Variants in HECW1 observed in about 807,000 individuals in gnomAD.
The protein encoded by HECW1 is HECT, C2 and WW domain containing E3 ubiquitin protein ligase 1.
HECW1 carries 61 observed loss-of-function variants against 182.3 expected under a neutral mutation model. The ratio of observed to expected loss-of-function variants is 0.33; its 90% CI spans 0.27 to 0.41. The LOEUF is 0.41. Ranked by LOEUF, HECW1 falls within the 10% of genes least tolerant of loss-of-function variation. HECW1 has a pLI of 1.00. For missense variants in HECW1, 1,739 were observed against 2,108.9 expected (o/e 0.82, Z 3.44); for synonymous variants, 859 against 832.6 (o/e 1.03, Z -0.55).
chr7:43,526,631 C>T (rs1167484255), intron 24 of HECW1, among the ~76,000 whole-genome samples: 3 of 152,226 alleles, frequency 2.0e-5, no homozygotes, highest in African/African-American at 7.2e-5. Flanking sequence ...ATTGCCATTC[C>T]TGTATTCTCT....
intron 24 of HECW1, among the ~76,000 whole-genome samples, chr7:43,522,043 T>C (rs1423849896): frequency 6.6e-6 from 1 of 152,214 alleles, no homozygotes; most frequent in Non-Finnish European, 1.5e-5. Context: ...AAGGTGTCCA[T>C]CTTAGAAGCA....
At chr7:43,469,743 T>C (rs1298979134) in intron 16 of HECW1, among the ~76,000 whole-genome samples, 1 of 152,224 alleles carries the variant, frequency 6.6e-6, no homozygotes, top group East Asian at 1.9e-4. Context: ...CATCTCGATG[T>C]ATTCAAAGGA....
At chr7:43,360,294 A>T (rs2109812) in intron 5 of HECW1, among the ~76,000 whole-genome samples, 1 of 151,398 alleles carries the variant, frequency 6.6e-6, no homozygotes, top group Non-Finnish European at 1.5e-5. Context: ...TCTCTGCAGC[A>T]TTAAAGTCCT....
chr7:43,414,665 A>G (rs973087085), intron 8 of HECW1, among the ~76,000 whole-genome samples: 9 of 149,942 alleles, frequency 6.0e-5, no homozygotes, highest in Admixed American at 6.0e-4. Context: ...TTTAGCATGA[A>G]GGGTTGTTGA....
chr7:43,204,277 T>A (rs1026068247), intron 2 of HECW1, among the ~76,000 whole-genome samples: 1 of 152,210 alleles, frequency 6.6e-6, no homozygotes, highest in African/African-American at 2.4e-5. Context: ...CATGTAAAGT[T>A]TGTTGAATAA....
chr7:43,275,783 A>G (rs1259593807), intron 3 of HECW1, among the ~76,000 whole-genome samples: 1 of 116,908 alleles, frequency 8.6e-6, no homozygotes, highest in Non-Finnish European at 1.6e-5. Context: ...AGTCATTGTT[A>G]ATTTGCTGGA....
At chr7:43,424,701 A>G (rs553651416) in intron 8 of HECW1, among the ~76,000 whole-genome samples, 3 of 152,310 alleles carry the variant, frequency 2.0e-5, no homozygotes, top group East Asian at 1.9e-4. Flanking sequence ...GGAAATATCA[A>G]TAGAGTTCTT....
chr7:43,240,910 C>T (rs73318433), intron 2 of HECW1, among the ~76,000 whole-genome samples: 14,800 of 152,216 alleles, frequency 0.097, 1,481 homozygotes, highest in African/African-American at 0.26. Flanking sequence ...ACCCTCCCCA[C>T]GTGACTTCCT....
At chr7:43,195,424 G>A (rs908375204) in intron 2 of HECW1, among the ~76,000 whole-genome samples, 1 of 152,302 alleles carries the variant, frequency 6.6e-6, no homozygotes, top group Admixed American at 6.5e-5. Flanking sequence ...GCTGCCTCAG[G>A]AAGTTGCCCA....
intron 3 of HECW1, among the ~76,000 whole-genome samples, chr7:43,266,069 T>G (rs903544465): frequency 9.9e-5 from 15 of 152,168 alleles, no homozygotes; most frequent in African/African-American, 3.6e-4. Flanking sequence ...GGCTGCATTA[T>G]GTAGGCATGA....
rs569874876 is a variant in HECW1, at chr7:43,558,373, A to G, written c.4710-3442A>G. Among the ~76,000 whole-genome samples the G allele has an allele frequency of 2.6e-5, 4 of 152,320 alleles. No individual in the cohort carries two copies. In the South Asian group the frequency reaches 8.3e-4, roughly 32 times the overall value. On this transcript the variant is annotated intron_variant, in intron 29 of 29. Transcript: ENST00000395891. ...TTGCAAACGAAATTCTAATATGAACATGTTTCACTGCAGATGTAAACTAAG... is the reference window on the plus strand; with the variant it reads ...TTGCAAACGAAATTCTAATATGAACGTGTTTCACTGCAGATGTAAACTAAG...
intron 26 of HECW1, among the ~76,000 whole-genome samples, chr7:43,542,786 A>G (rs1223986919): frequency 6.6e-6 from 1 of 152,234 alleles, no homozygotes; most frequent in African/African-American, 2.4e-5. Context: ...CATTCATTCA[A>G]ACCAATTCCT....
At chr7:43,203,327 T>G (rs1562669623) in intron 2 of HECW1, among the ~76,000 whole-genome samples, 1 of 152,236 alleles carries the variant, frequency 6.6e-6, no homozygotes, top group Non-Finnish European at 1.5e-5. Context: ...TGTGTAATAT[T>G]GCAAATAATA....
At chr7:43,283,770 G>GA (rs777251459) in intron 3 of HECW1, among the ~76,000 whole-genome samples, 34 of 152,172 alleles carry the variant, frequency 2.2e-4, no homozygotes, top group African/African-American at 6.0e-4. Context: ...CTTGGAAGAG[G>GA]AAAAACATAA....
intron 5 of HECW1, among the ~76,000 whole-genome samples, chr7:43,335,820 T>C (rs200334739): frequency 6.6e-6 from 1 of 151,280 alleles, no homozygotes; most frequent in East Asian, 2.0e-4. Context: ...CTTTTCTTCA[T>C]TTTTCCTCTT....
chr7:43,135,945 T>C (rs995657795), intron 2 of HECW1, among the ~76,000 whole-genome samples: 3 of 152,040 alleles, frequency 2.0e-5, no homozygotes, highest in East Asian at 1.9e-4. Flanking sequence ...TTTTATGACA[T>C]TTTTTTCAGG....
intron 5 of HECW1, among the ~76,000 whole-genome samples, chr7:43,341,769 G>A (rs1813029545): frequency 6.6e-6 from 1 of 151,688 alleles, no homozygotes; most frequent in East Asian, 1.9e-4. Context: ...ACTTTTGGAA[G>A]TACAAATCCA....
intron 2 of HECW1, among the ~76,000 whole-genome samples, chr7:43,149,118 T>C (rs551396867): frequency 6.6e-6 from 1 of 152,114 alleles, no homozygotes; most frequent in Non-Finnish European, 1.5e-5. Context: ...TTAGGAGAAA[T>C]ACAATATTTG....
At position 43,320,725 on chromosome 7, in the gene HECW1, G is replaced by C. The variant is rs1809999554; in HGVS notation, c.443G>C (p.Ser148Thr). Residue 148 changes from serine to threonine, a missense_variant, in exon 5 of 30, where the codon AGC (serine) becomes ACC (threonine). Ser to Thr is a moderately conservative substitution (Grantham distance 58, BLOSUM62 1). This residue lies in a region of HECW1 where 279 missense variants were observed against 353.1 expected (regional missense o/e 0.79). Transcript: ENST00000395891. ...CAGATCATCTGGAAGATCGATGCCAGCTCGTACTTTGTGGAACGTGAGTAC... is the reference window on the plus strand; with the variant it reads ...CAGATCATCTGGAAGATCGATGCCACCTCGTACTTTGTGGAACGTGAGTAC... ...RGQIIWKIDA[S>T]SYFVEPETKI... The C allele has an allele frequency of 6.2e-7, 1 of 1,613,650 alleles. No individual in the cohort carries two copies. Among genetic ancestry groups the C allele is most frequent in the Non-Finnish European group, 8.5e-7 (1 of 1,179,530 alleles).
Sources: gnomAD v4.1 joint callset for allele counts (sites outside exome capture counted in the v4.1 genomes callset) on GRCh38, gnomAD v4.1.1 for gene constraint, gnomAD v4.1.1 regional missense constraint, MANE v1.5 for transcripts, NCBI Gene and HGNC (gene_info 2026-07-23, HGNC 2026-07-21) for gene names.